PTPRD: variants seen among roughly 807,000 people sequenced by gnomAD.
PTPRD encodes the protein protein tyrosine phosphatase receptor type D, also known as receptor-type tyrosine-protein phosphatase delta.
A neutral mutation model predicts 214.5 loss-of-function variants in PTPRD; 34 were observed. That is an observed-to-expected ratio of 0.16 (90% CI 0.12 to 0.21). The LOEUF (loss-of-function observed/expected upper bound fraction) is 0.21, where lower values mean the gene tolerates loss of function less well. Ranked by LOEUF, PTPRD falls within the 10% of genes least tolerant of loss-of-function variation. The pLI is 1.00. For missense variants in PTPRD, 2,545 were observed against 2,398.7 expected (o/e 1.06, Z -1.27); for synonymous variants, 1,128 against 845.7 (o/e 1.33, Z -5.79).
chr9:8,839,318 T>TTATA (rs1303104285), intron 11 of PTPRD, among the ~76,000 whole-genome samples: 3 of 53,792 alleles, frequency 5.6e-5, no homozygotes, highest in East Asian at 5.9e-4. Context: ...ATTTATTTAT[T>TTATA]TATTTATTTA....
intron 14 of PTPRD, among the ~76,000 whole-genome samples, chr9:8,629,489 T>C (rs1298606696): frequency 6.6e-6 from 1 of 151,758 alleles, no homozygotes; most frequent in African/African-American, 2.4e-5. Context: ...TAGATGACAA[T>C]CCCTGTTCTT....
Position 8,408,391 on chromosome 9 carries a change from C to G in PTPRD, c.4087-3731G>C, listed in dbSNP as rs948200588. ...GACTCCTAGATATGTCTACTCAACT[C>G]TGTCCACCCAAATAATCTTCCATGG... On this transcript the variant is annotated intron_variant, in intron 35 of 45. Transcript: ENST00000381196. 7.2e-5 allele frequency among the ~76,000 whole-genome samples: 11 copies of G among 152,228 alleles called. No homozygotes were observed. In the East Asian group the frequency reaches 1.9e-3, roughly 27 times the overall value.
intron 3 of PTPRD, among the ~76,000 whole-genome samples, chr9:10,045,112 A>C (rs746418777): frequency 4.0e-5 from 6 of 151,786 alleles, no homozygotes; most frequent in Non-Finnish European, 5.9e-5. Flanking sequence ...GTAATCATCT[A>C]TGAACTAATT....
chr9:10,132,538 C>A (rs553233412), intron 3 of PTPRD, among the ~76,000 whole-genome samples: 2 of 152,064 alleles, frequency 1.3e-5, no homozygotes, highest in East Asian at 3.9e-4. Flanking sequence ...AGATAGCTAC[C>A]TGTGTTGAGA....
chr9:9,412,203 A>G (rs1188717336), intron 8 of PTPRD, among the ~76,000 whole-genome samples: 2 of 152,218 alleles, frequency 1.3e-5, no homozygotes, highest in Non-Finnish European at 2.9e-5. Flanking sequence ...CAAACAGACA[A>G]ATGACCCACT....
At chr9:10,127,960 G>A (rs1327548311) in intron 3 of PTPRD, among the ~76,000 whole-genome samples, 2 of 152,096 alleles carry the variant, frequency 1.3e-5, no homozygotes, top group Non-Finnish European at 2.9e-5. Context: ...GAAAAACTCT[G>A]CTTTTTATCC....
chr9:8,871,451 A>T (rs2098297214), intron 11 of PTPRD, among the ~76,000 whole-genome samples: 1 of 152,180 alleles, frequency 6.6e-6, no homozygotes, highest in Non-Finnish European at 1.5e-5. Context: ...AAAATGAAAT[A>T]TTTAGGAAGG....
intron 9 of PTPRD, among the ~76,000 whole-genome samples, chr9:9,268,499 A>C (rs1332548482): frequency 2.0e-5 from 3 of 151,292 alleles, no homozygotes; most frequent in African/African-American, 7.3e-5. Context: ...TTTTCCACAG[A>C]AATAGAGAAA....
chr9:10,175,875 T>C (rs1179624203), intron 3 of PTPRD, among the ~76,000 whole-genome samples: 2 of 151,958 alleles, frequency 1.3e-5, no homozygotes, highest in Non-Finnish European at 2.9e-5. Flanking sequence ...AAAATTAAAA[T>C]AAATCTCCAC....
At chr9:9,365,230 G>C (rs1569567743) in intron 9 of PTPRD, among the ~76,000 whole-genome samples, 2 of 151,510 alleles carry the variant, frequency 1.3e-5, no homozygotes, top group African/African-American at 2.4e-5. Flanking sequence ...TTAAGATCAT[G>C]TGTCTCTATT....
At chr9:9,461,858 C>T (rs895203676) in intron 8 of PTPRD, among the ~76,000 whole-genome samples, 8 of 152,128 alleles carry the variant, frequency 5.3e-5, no homozygotes, top group African/African-American at 1.9e-4. Flanking sequence ...GTTCTCCTCA[C>T]GGATGACTTC....
intron 5 of PTPRD, among the ~76,000 whole-genome samples, chr9:9,894,259 C>T (rs2074302734): frequency 6.6e-6 from 1 of 151,982 alleles, no homozygotes; most frequent in African/African-American, 2.4e-5. Flanking sequence ...CCCACTCAGC[C>T]CCAGATTTCT....
At chr9:8,377,444 G>T (rs1459845661) in intron 37 of PTPRD, among the ~76,000 whole-genome samples, 5 of 151,988 alleles carry the variant, frequency 3.3e-5, no homozygotes, top group Non-Finnish European at 5.9e-5. Context: ...AGCCTAATTA[G>T]TTTAACACAC....
rs2098565853 is a variant in PTPRD at position 8,726,587 on chromosome 9, AAATATATATATATATATATATATATATAT to A, written c.64+7164_64+7192del. 1.5e-4 allele frequency among the ~76,000 whole-genome samples: 2 copies of A among 13,214 alleles called. 1 individual carries two copies. Among genetic ancestry groups the A allele is most frequent in the Non-Finnish European group, 2.6e-4 (2 of 7,672 alleles). The allele number at this position is 13,214 out of a possible 152,430, so 8.7% of individuals were successfully genotyped here. On this transcript the variant is annotated intron_variant, in intron 12 of 45. Transcript: ENST00000381196. The stretch of plus-strand genomic sequence containing the variant: ...TCTCTACTAAAAAAAAAAAAAAAAA[AAATATATATATATATATATATATATATAT>A]ATATATATATATATATATATATATA...
chr9:9,499,095 CA>C (rs1202554267), intron 8 of PTPRD, among the ~76,000 whole-genome samples: 1 of 151,968 alleles, frequency 6.6e-6, no homozygotes, highest in Non-Finnish European at 1.5e-5. Flanking sequence ...TTTCTCAAGG[CA>C]ACACAGTAAA....
chr9:9,851,388 C>A (rs1204639085), intron 5 of PTPRD, among the ~76,000 whole-genome samples: 1 of 152,148 alleles, frequency 6.6e-6, no homozygotes, highest in African/African-American at 2.4e-5. Flanking sequence ...TCCATTGAGT[C>A]AATGGAGGAT....
At chr9:10,521,461 G>C (rs1210815361) in intron 2 of PTPRD, among the ~76,000 whole-genome samples, 2 of 152,154 alleles carry the variant, frequency 1.3e-5, no homozygotes, top group Admixed American at 6.6e-5. Context: ...GACAATAAAT[G>C]ATTAGAATAT....
At chr9:10,406,353 ATAT>A (rs1253196272) in intron 2 of PTPRD, among the ~76,000 whole-genome samples, 1 of 151,574 alleles carries the variant, frequency 6.6e-6, no homozygotes, top group Non-Finnish European at 1.5e-5. Context: ...AAAATACCTA[ATAT>A]TATAGTGGAA....
chr9:10,498,699 G>A (rs980197001), intron 2 of PTPRD, among the ~76,000 whole-genome samples: 1 of 151,698 alleles, frequency 6.6e-6, no homozygotes, highest in African/African-American at 2.4e-5. Flanking sequence ...AGCAATTAAG[G>A]TAAAATTTTC....
Sources: allele counts gnomAD v4.1 joint callset (sites outside exome capture counted in the v4.1 genomes callset), GRCh38; gene constraint gnomAD v4.1.1; transcripts MANE v1.5; gene names NCBI Gene and HGNC (gene_info 2026-07-23, HGNC 2026-07-21).